ZCWPW2: variants seen among roughly 807,000 people sequenced by gnomAD.
The protein encoded by ZCWPW2 is zinc finger CW-type and PWWP domain containing 2.
A neutral mutation model predicts 46.6 loss-of-function variants in ZCWPW2; 45 were observed. That is an observed-to-expected ratio of 0.96 (90% CI 0.76 to 1.24). ZCWPW2 has a LOEUF of 1.24. ZCWPW2 is among the 50% of genes most tolerant of loss of function. ZCWPW2 has a pLI of 0.00. For synonymous variants in ZCWPW2, 152 were observed against 137.1 expected, an observed-to-expected ratio of 1.11 and a Z score of -0.76; for missense variants, 429 against 403.9, an observed-to-expected ratio of 1.06 and a Z score of -0.53.
rs529737858 is a variant in ZCWPW2, at chr3:28,349,216, C to G, written c.-134+13C>G. ...GGAGTGGAGTTAGGTAAGAGCGTTA[C>G]CAGCCGTCTTGTCTGTTGGGCCGAG... On this transcript the variant is annotated intron_variant, in intron 1 of 9. Transcript: ENST00000383768. 5.1e-6 allele frequency: 5 copies of G among 985,042 alleles called. No homozygotes were observed. In the South Asian group the frequency reaches 1.9e-4, roughly 37 times the overall value. The allele number at this position is 985,042 out of a possible 1,614,324, so 61.0% of individuals were successfully genotyped here.
At chr3:28,474,627 G>GCT (rs1699165472) in intron 4 of ZCWPW2, among the ~76,000 whole-genome samples, 5 of 150,610 alleles carry the variant, frequency 3.3e-5, no homozygotes, top group African/African-American at 9.9e-5. Flanking sequence ...GTGTGCGCGC[G>GCT]CGCGCGCGCG....
intron 5 of ZCWPW2, among the ~76,000 whole-genome samples, chr3:28,481,253 T>C (rs949720486): frequency 1.3e-5 from 2 of 151,860 alleles, no homozygotes; most frequent in African/African-American, 4.8e-5. Context: ...TTTTATTTAT[T>C]TATTTTTTTA....
At chr3:28,350,054 A>G (rs1238728004) in intron 1 of ZCWPW2, among the ~76,000 whole-genome samples, 1 of 152,236 alleles carries the variant, frequency 6.6e-6, no homozygotes, top group Non-Finnish European at 1.5e-5. Context: ...TGAGAAAGGA[A>G]ACGATTTGCT....
At chr3:28,394,428 T>C (rs1695615813) in intron 2 of ZCWPW2, among the ~76,000 whole-genome samples, 1 of 152,004 alleles carries the variant, frequency 6.6e-6, no homozygotes, top group African/African-American at 2.4e-5. Context: ...ATCCTAAAAC[T>C]CCTTTGGAAC....
At chr3:28,478,321 G>T in intron 4 of ZCWPW2, 1 of 325,406 alleles carries the variant, frequency 3.1e-6, no homozygotes, top group Non-Finnish European at 6.4e-6. Context: ...TCGCATCACT[G>T]CAGCATCTGC....
chr3:28,448,784 CAAAAAAAAAA>C (rs576935771), intron 4 of ZCWPW2, among the ~76,000 whole-genome samples: 7 of 65,354 alleles, frequency 1.1e-4, no homozygotes, highest in Admixed American at 2.0e-4. Flanking sequence ...GACTCTGTCT[CAAAAAAAAAA>C]AAAAAAAAAA....
intron 1 of ZCWPW2, among the ~76,000 whole-genome samples, chr3:28,365,178 T>C (rs1247092101): frequency 2.0e-5 from 3 of 149,780 alleles, no homozygotes; most frequent in Non-Finnish European, 4.5e-5. Context: ...AATTTTGGCT[T>C]TTGTTGCCAT....
intron 5 of ZCWPW2, among the ~76,000 whole-genome samples, chr3:28,483,489 A>C (rs1356994723): frequency 6.6e-6 from 1 of 152,132 alleles, no homozygotes; most frequent in Admixed American, 6.6e-5. Flanking sequence ...TTTCCATAAA[A>C]ATTTTAGAAT....
chr3:28,369,346 C>T (rs867126030), intron 1 of ZCWPW2, among the ~76,000 whole-genome samples: 1 of 152,066 alleles, frequency 6.6e-6, no homozygotes, highest in Admixed American at 6.6e-5. Flanking sequence ...TGTGGATGTC[C>T]TTTCTGTTTG....
At chr3:28,384,659 C>A (rs1382188049) in intron 1 of ZCWPW2, among the ~76,000 whole-genome samples, 3 of 148,594 alleles carry the variant, frequency 2.0e-5, no homozygotes, top group Non-Finnish European at 3.0e-5. Flanking sequence ...GTCACCCAGG[C>A]TGGAGTGCAG....
At chr3:28,479,332 A>G (rs2125804927) in intron 5 of ZCWPW2, among the ~76,000 whole-genome samples, 1 of 152,310 alleles carries the variant, frequency 6.6e-6, no homozygotes, top group East Asian at 1.9e-4. Context: ...TTTTCAAAAT[A>G]TTGCATTTTG....
intron 5 of ZCWPW2, among the ~76,000 whole-genome samples, chr3:28,479,729 T>G (rs1250529217): frequency 2.0e-5 from 3 of 152,164 alleles, no homozygotes; most frequent in Non-Finnish European, 4.4e-5. Context: ...TATGTGCCCA[T>G]GTATTCTTGT....
chr3:28,385,820 C>T (rs1695250550), intron 1 of ZCWPW2, among the ~76,000 whole-genome samples: 1 of 152,102 alleles, frequency 6.6e-6, no homozygotes, highest in East Asian at 1.9e-4. Flanking sequence ...AATATTCTAA[C>T]AGATTTGATT....
chr3:28,400,935 G>T (rs13081631), intron 2 of ZCWPW2, among the ~76,000 whole-genome samples: 121,615 of 152,114 alleles, frequency 0.8, 49,284 homozygotes, highest in African/African-American at 0.94. Flanking sequence ...ATCCCAGCAC[G>T]TTGGGAGGCC....
intron 5 of ZCWPW2, among the ~76,000 whole-genome samples, chr3:28,491,192 G>A (rs1218295722): frequency 6.6e-6 from 1 of 152,042 alleles, no homozygotes; most frequent in Non-Finnish European, 1.5e-5. Flanking sequence ...ATTCATTAGT[G>A]GAGAGAAAGG....
At chr3:28,356,893 T>C (rs1402470667) in intron 1 of ZCWPW2, among the ~76,000 whole-genome samples, 1 of 152,044 alleles carries the variant, frequency 6.6e-6, no homozygotes, top group African/African-American at 2.4e-5. Flanking sequence ...TTAGGAGATA[T>C]ACCTAATATA....
chr3:28,509,993 G>A (rs1200274877), intron 6 of ZCWPW2, among the ~76,000 whole-genome samples: 2 of 152,160 alleles, frequency 1.3e-5, no homozygotes, highest in Non-Finnish European at 2.9e-5. Context: ...TATGTATGAT[G>A]TGAGGTACAG....
intron 5 of ZCWPW2, among the ~76,000 whole-genome samples, chr3:28,482,107 A>G (rs990055282): frequency 3.3e-5 from 5 of 152,166 alleles, no homozygotes; most frequent in African/African-American, 7.2e-5. Context: ...TATCATATAG[A>G]GTAGTTTCAC....
intron 1 of ZCWPW2, among the ~76,000 whole-genome samples, chr3:28,352,960 A>C (rs1193887562): frequency 6.6e-6 from 1 of 152,082 alleles, no homozygotes; most frequent in Admixed American, 6.5e-5. Flanking sequence ...GAGATGGGCC[A>C]ATCACCTAAG....
Sources: allele counts gnomAD v4.1 joint callset (sites outside exome capture counted in the v4.1 genomes callset), GRCh38; gene constraint gnomAD v4.1.1; transcripts MANE v1.5; gene names NCBI Gene and HGNC (gene_info 2026-07-23, HGNC 2026-07-21).